SUSD4: variants seen among roughly 807,000 people sequenced by gnomAD.
The protein encoded by SUSD4 is sushi domain containing 4, also known as sushi domain-containing protein 4.
SUSD4 carries 41 observed loss-of-function variants against 50.5 expected under a neutral mutation model. The ratio of observed to expected loss-of-function variants is 0.81; its 90% CI spans 0.63 to 1.05. The LOEUF is 1.05. Among genes scored for constraint, SUSD4 ranks in the 50% least tolerant of loss-of-function variants. The probability of loss-of-function intolerance (pLI) is 0.00; values close to 1 mark genes in which losing one functional copy is unlikely to be tolerated. For synonymous variants in SUSD4, 257 were observed against 257.3 expected (o/e 1.00, Z 0.01); for missense variants, 580 against 634.7 (o/e 0.91, Z 0.93).
At chr1:223,257,692 A>G (rs769890744) in intron 5 of SUSD4, among the ~76,000 whole-genome samples, 1 of 152,216 alleles carries the variant, frequency 6.6e-6, no homozygotes, top group African/African-American at 2.4e-5. Flanking sequence ...TTCAAATCCA[A>G]TGCAGAATAG....
At chr1:223,317,310 G>C (rs1046610939) in intron 2 of SUSD4, among the ~76,000 whole-genome samples, 1 of 152,154 alleles carries the variant, frequency 6.6e-6, no homozygotes, top group African/African-American at 2.4e-5. Context: ...TATCCTATAT[G>C]GCCTTAAAAG....
rs1272606804 is a variant in SUSD4, at chr1:223,263,786, A to C, written c.724+844T>G. 4.1e-6 allele frequency: 4 copies of C among 985,474 alleles called. No homozygotes were observed. The East Asian group carries it at 3.4e-4, about 84-fold the overall frequency. 61.0% of individuals were successfully genotyped at this position (985,474 alleles called of 1,614,324 possible). A position where few individuals can be genotyped will look rare whatever the true frequency, so the allele number is the denominator to read the frequency against. ...CTTGTAGAGATGCTGTAAACTTGTA[A>C]GAACTCATTTGTTTCCATATTCCAT... On this transcript the variant is annotated intron_variant, in intron 5 of 8. Transcript: ENST00000366878.
intron 2 of SUSD4, among the ~76,000 whole-genome samples, chr1:223,323,491 A>G (rs904944786): frequency 6.6e-6 from 1 of 152,120 alleles, no homozygotes; most frequent in Non-Finnish European, 1.5e-5. Flanking sequence ...CAAGGATCCA[A>G]TGAGAGACAT....
At chr1:223,246,677 C>T (rs976467890) in intron 5 of SUSD4, among the ~76,000 whole-genome samples, 9 of 152,158 alleles carry the variant, frequency 5.9e-5, no homozygotes, top group Non-Finnish European at 8.8e-5. Context: ...CTCAGCAGAT[C>T]GGTGGCCAGG....
chr1:223,280,260 C>T (rs541676024), intron 3 of SUSD4, among the ~76,000 whole-genome samples: 34 of 152,094 alleles, frequency 2.2e-4, no homozygotes, highest in Non-Finnish European at 4.6e-4. Flanking sequence ...TGTAAATGGG[C>T]TAAATGCTCC....
intron 8 of SUSD4, among the ~76,000 whole-genome samples, chr1:223,222,849 C>A (rs1025983199): frequency 1.3e-5 from 2 of 152,184 alleles, no homozygotes; most frequent in African/African-American, 4.8e-5. Context: ...TTCTTCCTGG[C>A]ATGTATGTGC....
At position 223,223,574 on chromosome 1, in the gene SUSD4, G is replaced by A. The variant is rs536188464; in HGVS notation, c.1119C>T (p.Pro373=). The change falls in exon 8 of 9, where the codon CCC becomes CCT. Residue 373 remains proline (P), a synonymous_variant. Transcript: ENST00000366878. ...DPDFVVVDGV[P]VMLPSYDEAV... ...CTTCGTCATAGGACGGGAGCATGAC[G>A]GGCACGCCGTCTACCACCACAAAGT... The A allele has an allele frequency of 1.1e-5, 18 of 1,613,140 alleles. No homozygotes were observed. In the Admixed American group the frequency reaches 1.2e-4, roughly 10 times the overall value.
intron 2 of SUSD4, among the ~76,000 whole-genome samples, chr1:223,353,604 T>G (rs1668487681): frequency 2.0e-5 from 3 of 152,114 alleles, no homozygotes; most frequent in Admixed American, 6.5e-5. Context: ...TTGAATACTT[T>G]GAAGATGAAC....
Position 223,236,554 on chromosome 1 carries a change from T to G in SUSD4, c.725-7166A>C, listed in dbSNP as rs147965959. On this transcript the variant is annotated intron_variant, in intron 5 of 8. Transcript: ENST00000366878. ...GTAAGGTCTGTGTCTAGCTTTTTTTTTTTTTGTTTTTGTATGTGGATGCCC... is the reference window on the plus strand; with the variant it reads ...GTAAGGTCTGTGTCTAGCTTTTTTTGTTTTTGTTTTTGTATGTGGATGCCC... Among the ~76,000 whole-genome samples the G allele has an allele frequency of 2.9e-3, 442 of 152,176 alleles. 3 individuals carry two copies. Among genetic ancestry groups the G allele is most frequent in the African/African-American group, 7.2e-3 (300 of 41,546 alleles).
intron 5 of SUSD4, among the ~76,000 whole-genome samples, chr1:223,246,593 A>G (rs1041348295): frequency 9.9e-5 from 15 of 151,998 alleles, no homozygotes; most frequent in African/African-American, 3.6e-4. Flanking sequence ...GATCTTCCAC[A>G]TGAGTGGAAG....
chr1:223,284,802 A>G (rs1282536915), intron 3 of SUSD4, among the ~76,000 whole-genome samples: 1 of 152,190 alleles, frequency 6.6e-6, no homozygotes, highest in Admixed American at 6.5e-5. Flanking sequence ...CATATGTGGA[A>G]GCTAATATAG....
intron 2 of SUSD4, among the ~76,000 whole-genome samples, chr1:223,329,975 T>C (rs61838230): frequency 0.19 from 28,956 of 152,022 alleles, 3,211 homozygotes; most frequent in Non-Finnish European, 0.26. Context: ...AACGGAAAGA[T>C]GGACGGATGA....
chr1:223,291,834 CA>C (rs1049645880), intron 3 of SUSD4, among the ~76,000 whole-genome samples: 1 of 151,560 alleles, frequency 6.6e-6, no homozygotes, highest in Non-Finnish European at 1.5e-5. Flanking sequence ...AAAGTAAAAA[CA>C]AAAAAAAGTA....
chr1:223,243,700 G>C (rs1368171430), intron 5 of SUSD4, among the ~76,000 whole-genome samples: 2 of 152,214 alleles, frequency 1.3e-5, no homozygotes, highest in Non-Finnish European at 2.9e-5. Context: ...CATCGGCACT[G>C]TCTGAGCTCA....
At chr1:223,358,634 T>C (rs1178816143) in intron 2 of SUSD4, among the ~76,000 whole-genome samples, 1 of 152,198 alleles carries the variant, frequency 6.6e-6, no homozygotes, top group Non-Finnish European at 1.5e-5. Context: ...CATTCAAAAA[T>C]TAAAGAACCA....
intron 2 of SUSD4, among the ~76,000 whole-genome samples, chr1:223,340,673 AG>A (rs1023871355): frequency 1.3e-5 from 2 of 152,142 alleles, no homozygotes; most frequent in African/African-American, 4.8e-5. Flanking sequence ...ATCCAGGTAG[AG>A]GTCAGGTGAG....
chr1:223,344,772 G>A (rs183195531), intron 2 of SUSD4, among the ~76,000 whole-genome samples: 150 of 152,238 alleles, frequency 9.9e-4, no homozygotes, highest in Non-Finnish European at 1.6e-3. Flanking sequence ...ATCCAAGCAG[G>A]CCGCCCTAAC....
At chr1:223,258,478 A>T (rs1156516527) in intron 5 of SUSD4, among the ~76,000 whole-genome samples, 1 of 151,990 alleles carries the variant, frequency 6.6e-6, no homozygotes. Flanking sequence ...TGTCTGATGA[A>T]AACTACATCT....
At chr1:223,291,085 C>T (rs1371244951) in intron 3 of SUSD4, among the ~76,000 whole-genome samples, 1 of 152,062 alleles carries the variant, frequency 6.6e-6, no homozygotes, top group African/African-American at 2.4e-5. Context: ...TTTATTATGG[C>T]TTTTTCTTAT....
Sources: gnomAD v4.1 joint callset for allele counts (sites outside exome capture counted in the v4.1 genomes callset) on GRCh38, gnomAD v4.1.1 for gene constraint, MANE v1.5 for transcripts, NCBI Gene and HGNC (gene_info 2026-07-23, HGNC 2026-07-21) for gene names.